MED27: variants seen among roughly 807,000 people sequenced by gnomAD.
MED27 encodes the protein mediator complex subunit 27, also known as mediator of RNA polymerase II transcription subunit 27.
A neutral mutation model predicts 38.2 loss-of-function variants in MED27; 30 were observed. The ratio of observed to expected loss-of-function variants is 0.79; its 90% CI spans 0.59 to 1.07. The LOEUF (loss-of-function observed/expected upper bound fraction) is 1.07, where lower values mean the gene tolerates loss of function less well. Ranked by LOEUF, MED27 falls within the 50% of genes least tolerant of loss-of-function variation. The probability of loss-of-function intolerance (pLI) is 0.00; values close to 1 mark genes in which losing one functional copy is unlikely to be tolerated. For missense variants in MED27, 289 were observed against 397.5 expected (o/e 0.73, Z 2.32); for synonymous variants, 122 against 153.5 (o/e 0.79, Z 1.52).
chr9:132,078,599 C>G (rs1481753193), intron 1 of MED27, among the ~76,000 whole-genome samples: 2 of 152,072 alleles, frequency 1.3e-5, no homozygotes, highest in African/African-American at 4.8e-5. Context: ...AAAAGGCACC[C>G]ATCATTTGGC....
intron 2 of MED27, 78 bp downstream of exon 2, chr9:132,077,364 C>T (rs879717145): frequency 2.9e-6 from 4 of 1,367,850 alleles, no homozygotes; most frequent in Non-Finnish European, 4.1e-6. Context: ...TAAAAACATA[C>T]TCTTGCTTTC....
At chr9:131,945,340 C>T (rs1251161110) in intron 3 of MED27, among the ~76,000 whole-genome samples, 2 of 151,716 alleles carry the variant, frequency 1.3e-5, no homozygotes, top group Non-Finnish European at 2.9e-5. Context: ...TTATCATGTA[C>T]AACCTGTTGT....
chr9:132,078,932 G>A (rs546110786), intron 1 of MED27, among the ~76,000 whole-genome samples: 45 of 152,278 alleles, frequency 3.0e-4, no homozygotes, highest in African/African-American at 1.1e-3. Flanking sequence ...AAGTGAAGAA[G>A]GTACTTTGTA....
chr9:131,920,796 T>G (rs1589212841), intron 4 of MED27, among the ~76,000 whole-genome samples: 2 of 147,294 alleles, frequency 1.4e-5, no homozygotes, highest in African/African-American at 5.1e-5. Context: ...GGAGAGGGGG[T>G]GGAGTCAGGG....
intron 3 of MED27, among the ~76,000 whole-genome samples, chr9:131,972,451 G>A (rs1271847749): frequency 6.6e-6 from 1 of 152,146 alleles, no homozygotes; most frequent in East Asian, 1.9e-4. Flanking sequence ...GACAGCAAAT[G>A]TAACCTCCAG....
intron 2 of MED27, among the ~76,000 whole-genome samples, chr9:132,068,744 G>C (rs1456526614): frequency 1.3e-5 from 2 of 151,756 alleles, no homozygotes. Context: ...TTCAGTCTGA[G>C]AGGCCTGTGA....
chr9:132,073,411 G>A (rs1833983658), intron 2 of MED27: 1 of 1,076,020 alleles, frequency 9.3e-7, no homozygotes, highest in Non-Finnish European at 1.1e-6. Flanking sequence ...TGATTACAGT[G>A]TACCAGGCGC....
At chr9:132,006,648 GA>G (rs967176682) in intron 3 of MED27, among the ~76,000 whole-genome samples, 100 of 140,908 alleles carry the variant, frequency 7.1e-4, no homozygotes, top group East Asian at 6.1e-3. Flanking sequence ...TATGGCAGAG[GA>G]AAAAAAAAAA....
chr9:131,898,434 C>T (rs761129758), intron 4 of MED27, among the ~76,000 whole-genome samples: 4 of 151,944 alleles, frequency 2.6e-5, no homozygotes, highest in South Asian at 2.1e-4. Context: ...AGGCTGGTCT[C>T]GAACTCCTGA....
chr9:131,862,924 C>T lies in MED27; in HGVS notation c.801+139G>A. On this transcript the variant is annotated intron_variant, in intron 7 of 7. Transcript: ENST00000292035. The surrounding 1 kb of genome is among the most constrained non-coding windows in gnomAD (Gnocchi z 4.6). ...TCCCTTCGCAGTTTAAAGAAAGTAG[C>T]AGTTTTAAACTGGCAGCCCCATCTC... 1.6e-6 allele frequency: 1 copy of T among 610,662 alleles called. No homozygotes were observed. Among genetic ancestry groups the T allele is most frequent in the South Asian group, 2.4e-5 (1 of 41,594 alleles). 37.8% of individuals were successfully genotyped at this position (610,662 alleles called of 1,614,324 possible).
intron 4 of MED27, among the ~76,000 whole-genome samples, chr9:131,906,229 C>T (rs146828407): frequency 2.0e-4 from 31 of 152,248 alleles, no homozygotes; most frequent in African/African-American, 7.5e-4. Context: ...TGCTCTCAGG[C>T]TTGTACATTC....
chr9:132,008,114 G>A (rs1832397430), intron 3 of MED27, among the ~76,000 whole-genome samples: 2 of 152,186 alleles, frequency 1.3e-5, no homozygotes, highest in Admixed American at 6.5e-5. Flanking sequence ...AAACTCAGAG[G>A]AGTGCTAGGC....
intron 2 of MED27, among the ~76,000 whole-genome samples, chr9:132,076,774 A>G (rs147724977): frequency 1.1e-4 from 16 of 152,356 alleles, no homozygotes; most frequent in African/African-American, 3.6e-4. Flanking sequence ...GGAACTTGTT[A>G]GTAAACAAAC....
intron 2 of MED27, among the ~76,000 whole-genome samples, chr9:132,075,162 T>A (rs563461624): frequency 6.6e-6 from 1 of 152,244 alleles, no homozygotes; most frequent in African/African-American, 2.4e-5. Flanking sequence ...AATTGTTTTC[T>A]ACAGTTGAAA....
intron 3 of MED27, among the ~76,000 whole-genome samples, chr9:131,992,962 G>C (rs570322127): frequency 6.6e-6 from 1 of 152,306 alleles, no homozygotes; most frequent in Admixed American, 6.5e-5. Context: ...CAAATGAGAA[G>C]ACTAATGGTG....
intron 3 of MED27, among the ~76,000 whole-genome samples, chr9:131,941,847 A>T (rs1327646682): frequency 2.0e-5 from 1 of 50,442 alleles, no homozygotes; most frequent in East Asian, 7.7e-4. Context: ...TTTTTTTGAG[A>T]CCGAGTCTCG....
intron 3 of MED27, among the ~76,000 whole-genome samples, chr9:131,964,223 T>C (rs1342441464): frequency 1.0e-5 from 1 of 98,490 alleles, no homozygotes; most frequent in Non-Finnish European, 2.1e-5. Flanking sequence ...CAGTGTTAAG[T>C]GCTTAGAACA....
intron 3 of MED27, among the ~76,000 whole-genome samples, chr9:131,970,678 C>A (rs144501954): frequency 1.3e-5 from 2 of 152,144 alleles, no homozygotes; most frequent in Middle Eastern, 6.8e-3. Context: ...GAAGAACATG[C>A]GAAATGAGAA....
chr9:131,926,671 A>G (rs1830490933), intron 4 of MED27, among the ~76,000 whole-genome samples: 1 of 152,256 alleles, frequency 6.6e-6, no homozygotes, highest in South Asian at 2.1e-4. Flanking sequence ...TAAGCAGTCT[A>G]GCAATTCAAC....
Sources: allele counts gnomAD v4.1 joint callset (sites outside exome capture counted in the v4.1 genomes callset), GRCh38; gene constraint gnomAD v4.1.1; non-coding constraint Gnocchi (gnomAD v3.1); transcripts MANE v1.5; gene names NCBI Gene and HGNC (gene_info 2026-07-23, HGNC 2026-07-21).